The following DCC variants were observed in gnomAD, a reference collection of about 807,000 sequenced individuals.
DCC encodes the protein DCC netrin 1 receptor.
DCC carries 58 observed loss-of-function variants against 172.5 expected under a neutral mutation model. That is an observed-to-expected ratio of 0.34 (90% confidence interval 0.27 to 0.42). DCC has a LOEUF of 0.42. DCC is among the 10% of genes least tolerant of loss of function. The pLI, the probability that DCC is intolerant of heterozygous loss-of-function variation, is 1.00. For missense variants in DCC, 1,740 were observed against 1,791.0 expected (o/e 0.97, Z 0.51); for synonymous variants, 709 against 644.5 (o/e 1.10, Z -1.52).
chr18:52,406,006 G>T (rs2144389788), intron 1 of DCC, among the ~76,000 whole-genome samples: 1 of 149,938 alleles, frequency 6.7e-6, no homozygotes, highest in East Asian at 2.0e-4. Flanking sequence ...AGAGCCCTCA[G>T]AAATAACGCC....
chr18:53,513,066 G>C (rs983024109), intron 27 of DCC, among the ~76,000 whole-genome samples: 6 of 152,176 alleles, frequency 3.9e-5, no homozygotes, highest in Non-Finnish European at 8.8e-5. Flanking sequence ...AGAGAGAAAG[G>C]TCGGGTTACC....
chr18:52,757,874 TTAGA>T (rs1478141913), intron 2 of DCC, among the ~76,000 whole-genome samples: 2 of 152,110 alleles, frequency 1.3e-5, no homozygotes, highest in East Asian at 1.9e-4. Flanking sequence ...AGATTGGGAC[TTAGA>T]TAGTCTAAAT....
chr18:53,502,477 A>G (rs2046113932), intron 27 of DCC, among the ~76,000 whole-genome samples: 1 of 152,182 alleles, frequency 6.6e-6, no homozygotes, highest in African/African-American at 2.4e-5. Flanking sequence ...CAGACTGACA[A>G]ATGTATTAGC....
chr18:53,372,378 G>T (rs1251236274), intron 15 of DCC, among the ~76,000 whole-genome samples: 2 of 152,006 alleles, frequency 1.3e-5, no homozygotes, highest in African/African-American at 4.8e-5. Flanking sequence ...AATACTACAT[G>T]TTCTCACTTA....
At chr18:53,529,604 TAAG>T (rs1258555472) in intron 28 of DCC, among the ~76,000 whole-genome samples, 1 of 152,156 alleles carries the variant, frequency 6.6e-6, no homozygotes, top group Non-Finnish European at 1.5e-5. Flanking sequence ...ATTTCACAAA[TAAG>T]AAGACTAACT....
intron 1 of DCC, among the ~76,000 whole-genome samples, chr18:52,573,635 T>G (rs1415519245): frequency 6.6e-6 from 1 of 152,172 alleles, no homozygotes; most frequent in African/African-American, 2.4e-5. Context: ...TCTGGTGAGA[T>G]CATCTGCTGT....
At chr18:52,839,354 T>TA (rs1205046218) in intron 2 of DCC, among the ~76,000 whole-genome samples, 1 of 152,136 alleles carries the variant, frequency 6.6e-6, no homozygotes, top group Non-Finnish European at 1.5e-5. Flanking sequence ...CCCACCTAAT[T>TA]AGGCATGAAG....
intron 15 of DCC, among the ~76,000 whole-genome samples, chr18:53,372,254 G>C (rs2058066314): frequency 1.3e-5 from 2 of 151,952 alleles, no homozygotes; most frequent in African/African-American, 4.8e-5. Flanking sequence ...AAGAAAATGT[G>C]GTACATATAC....
At chr18:53,388,914 A>G (rs564665530) in intron 16 of DCC, among the ~76,000 whole-genome samples, 2 of 152,226 alleles carry the variant, frequency 1.3e-5, no homozygotes, top group Admixed American at 6.5e-5. Flanking sequence ...TCTCCTGGGT[A>G]GCTGGGACTG....
At chr18:52,480,038 A>G (rs2029893194) in intron 1 of DCC, among the ~76,000 whole-genome samples, 1 of 152,128 alleles carries the variant, frequency 6.6e-6, no homozygotes, top group Non-Finnish European at 1.5e-5. Context: ...ACACAGTCAC[A>G]TTTATTATTA....
At chr18:52,928,552 C>T (rs185601102) in intron 5 of DCC, among the ~76,000 whole-genome samples, 34 of 152,178 alleles carry the variant, frequency 2.2e-4, no homozygotes, top group Admixed American at 1.5e-3. Flanking sequence ...CACACATGTG[C>T]GTGCATATTT....
chr18:53,142,110 G>A (rs981286844), intron 7 of DCC, among the ~76,000 whole-genome samples: 30 of 152,188 alleles, frequency 2.0e-4, no homozygotes, highest in African/African-American at 6.8e-4. Flanking sequence ...TGTTACCTAA[G>A]TTGAAAAATG....
chr18:52,868,231 G>A (rs1044045209), intron 2 of DCC, among the ~76,000 whole-genome samples: 1 of 151,960 alleles, frequency 6.6e-6, no homozygotes, highest in African/African-American at 2.4e-5. Context: ...TCTAATAGCA[G>A]CCTAATAGCC....
intron 1 of DCC, among the ~76,000 whole-genome samples, chr18:52,711,598 C>T (rs2036293145): frequency 6.6e-6 from 1 of 152,146 alleles, no homozygotes; most frequent in South Asian, 2.1e-4. Context: ...TTTAAGTTGC[C>T]AACAGACTTA....
chr18:52,665,050 A>G (rs1410205098), intron 1 of DCC, among the ~76,000 whole-genome samples: 1 of 152,240 alleles, frequency 6.6e-6, no homozygotes, highest in Non-Finnish European at 1.5e-5. Flanking sequence ...GCAGAATATT[A>G]GAACTTCTCT....
At chr18:52,496,279 A>G (rs2030745140) in intron 1 of DCC, among the ~76,000 whole-genome samples, 1 of 152,168 alleles carries the variant, frequency 6.6e-6, no homozygotes, top group Non-Finnish European at 1.5e-5. Flanking sequence ...TGCTGCAGTT[A>G]GCAATCAAGA....
intron 14 of DCC, among the ~76,000 whole-genome samples, chr18:53,337,503 C>T (rs2144863335): frequency 6.6e-6 from 1 of 152,306 alleles, no homozygotes; most frequent in East Asian, 1.9e-4. Flanking sequence ...AAATATTTCA[C>T]AAACATTGTG....
chr18:53,404,158 G>C (rs1599112140), intron 19 of DCC, among the ~76,000 whole-genome samples: 2 of 151,204 alleles, frequency 1.3e-5, no homozygotes, highest in South Asian at 2.1e-4. Flanking sequence ...ATTTTATTTT[G>C]TTATAATCAA....
At chr18:52,496,858 T>C (rs186682079) in intron 1 of DCC, among the ~76,000 whole-genome samples, 2 of 152,128 alleles carry the variant, frequency 1.3e-5, no homozygotes, top group Non-Finnish European at 2.9e-5. Context: ...AAATAGAAGA[T>C]TGTGCTTGTC....
Sources: gnomAD v4.1 joint callset for allele counts (sites outside exome capture counted in the v4.1 genomes callset) on GRCh38, gnomAD v4.1.1 for gene constraint, MANE v1.5 for transcripts, NCBI Gene and HGNC (gene_info 2026-07-23, HGNC 2026-07-21) for gene names.